The following METTL16 variants were observed in gnomAD, a reference collection of about 807,000 sequenced individuals.
The protein encoded by METTL16 is RNA N(6)-adenosine-methyltransferase METTL16.
Under a neutral mutation model 57.9 loss-of-function variants are expected in METTL16, and 19 were observed. That is an observed-to-expected ratio of 0.33 (90% CI 0.23 to 0.48). The LOEUF (loss-of-function observed/expected upper bound fraction) is 0.48. Among genes scored for constraint, METTL16 ranks in the 20% least tolerant of loss-of-function variants. METTL16 has a pLI of 0.99. For synonymous variants in METTL16, 246 were observed against 255.6 expected (o/e 0.96, Z 0.36); for missense variants, 434 against 691.5 (o/e 0.63, Z 4.18).
intron 2 of METTL16, among the ~76,000 whole-genome samples, chr17:2,492,193 A>G (rs1213491837): frequency 6.6e-6 from 1 of 152,218 alleles, no homozygotes; most frequent in Non-Finnish European, 1.5e-5. Context: ...CCTGGGCGAC[A>G]GAGCAAGACT....
intron 6 of METTL16, among the ~76,000 whole-genome samples, chr17:2,442,922 G>A (rs1271117325): frequency 6.6e-6 from 1 of 151,988 alleles, no homozygotes; most frequent in Non-Finnish European, 1.5e-5. Flanking sequence ...CCGCCTTCCG[G>A]GTTGAGGTAA....
At chr17:2,455,087 CTTT>C (rs954892604) in intron 6 of METTL16, 195 of 111,918 alleles carry the variant, frequency 1.7e-3, no homozygotes, top group South Asian at 4.8e-3. Flanking sequence ...TGCCCAGGTA[CTTT>C]TTTTTTTTTT....
intron 6 of METTL16, chr17:2,459,748 T>A (rs1191205805): frequency 6.6e-6 from 1 of 152,176 alleles, no homozygotes; most frequent in Non-Finnish European, 1.5e-5. Flanking sequence ...ATGCCTTTCA[T>A]CCCAGCACTT....
chr17:2,480,564 T>C (rs934017011), intron 2 of METTL16, among the ~76,000 whole-genome samples: 1 of 151,976 alleles, frequency 6.6e-6, no homozygotes, highest in South Asian at 2.1e-4. Context: ...GGAATCGGAG[T>C]TCCTTGGATA....
At chr17:2,434,267 C>T (rs2066894670) in intron 8 of METTL16, among the ~76,000 whole-genome samples, 1 of 152,138 alleles carries the variant, frequency 6.6e-6, no homozygotes, top group Admixed American at 6.6e-5. Flanking sequence ...GGCGTGACCT[C>T]GGCTCACTGT....
At chr17:2,488,599 G>A (rs2151573938) in intron 2 of METTL16, among the ~76,000 whole-genome samples, 1 of 152,132 alleles carries the variant, frequency 6.6e-6, no homozygotes, top group South Asian at 2.1e-4. Context: ...CAAAAAAAAG[G>A]AAATCCTGTC....
intron 7 of METTL16, among the ~76,000 whole-genome samples, chr17:2,440,394 G>A (rs752499727): frequency 4.6e-5 from 7 of 152,054 alleles, no homozygotes; most frequent in African/African-American, 7.2e-5. Flanking sequence ...GACTACAGGC[G>A]CGTGCCACCA....
At chr17:2,490,600 G>T (rs1253869545) in intron 2 of METTL16, among the ~76,000 whole-genome samples, 2 of 152,144 alleles carry the variant, frequency 1.3e-5, no homozygotes, top group African/African-American at 4.8e-5. Flanking sequence ...CCATTAAGGG[G>T]TCTATAATGT....
rs943422274 is a variant in METTL16 at position 2,449,570 on chromosome 17, A to G, written c.729-8011T>C. On this transcript the variant is annotated intron_variant, in intron 6 of 9. Coordinates refer to ENST00000263092, the MANE Select transcript of METTL16 (RefSeq NM_024086.4). ...ACAAAGATAGAGGATTTATACTGCC[A>G]GATTTCAAGACTTCTACAAAGCTAT... Among the ~76,000 whole-genome samples, 11 of 152,220 alleles carry G rather than the reference A, an allele frequency of 7.2e-5. No individual in the cohort carries two copies. In the East Asian group the frequency reaches 7.7e-4, roughly 11 times the overall value.
Position 2,477,734 on chromosome 17 carries a change from C to G in METTL16, c.280G>C (p.Gly94Arg), listed in dbSNP as rs760172867. Residue 94 changes from glycine to arginine, a missense_variant, in exon 3 of 10, where the codon GGT (glycine) becomes CGT (arginine). Transcript: ENST00000263092. Reference protein sequence around the residue: ...NYIHWVEDLIGHQDSDKSTLR... With the variant: ...NYIHWVEDLIRHQDSDKSTLR... ...GTACTTTTGTCAGAATCCTGGTGACCGATCAGATCTTCTACCCAGTGAATA... is the reference window on the plus strand; with the variant it reads ...GTACTTTTGTCAGAATCCTGGTGACGGATCAGATCTTCTACCCAGTGAATA... The G allele has an allele frequency of 1.9e-6, 3 of 1,613,886 alleles. No homozygotes were observed. The Admixed American group carries it at 5.0e-5, about 27-fold the overall frequency.
Position 2,438,142 on chromosome 17 carries a change from T to G in METTL16, c.855A>C (p.Leu285Phe). 6.2e-7 allele frequency: 1 copy of G among 1,613,896 alleles called. No homozygotes were observed. The highest frequency in any genetic ancestry group is 8.5e-7 in the Non-Finnish European group (1 of 1,179,814). ...TGACATCATCATAAAAACTCCAAGC[T>G]AAGGCCCATCTCATTGTCCGACCTT... is the stretch of plus-strand genomic sequence containing the variant. Reference protein sequence around the residue: ...FCQGRTMRWALAWSFYDDVTV... With the variant: ...FCQGRTMRWAFAWSFYDDVTV... The change falls in exon 8 of 10, where the codon TTA becomes TTC. Residue 285 changes from leucine (L) to phenylalanine (F), a missense_variant. Physicochemically the swap from Leu to Phe is conservative, Grantham distance 22 (BLOSUM62 0). Transcript: ENST00000263092.
chr17:2,423,615 T>C (rs977119409), intron 8 of METTL16, among the ~76,000 whole-genome samples: 1 of 152,056 alleles, frequency 6.6e-6, no homozygotes, highest in South Asian at 2.1e-4. Flanking sequence ...GCCATGACCA[T>C]GGAGAGCTCA....
In METTL16 at chr17:2,420,129, C is replaced by T; in HGVS notation, c.1530G>A (p.Val510=). ...VAERGKRLPG[V]AGQYLFKCLI... ...AACACTTAAACAGGTACTGTCCGGC[C>T]ACTCCTGGGAGACGTTTCCCCCTTT... is the stretch of plus-strand genomic sequence containing the variant. The change falls in exon 10 of 10, where the codon GTG becomes GTA. Residue 510 remains valine (V), a synonymous_variant. Coordinates refer to ENST00000263092, the MANE Select transcript of METTL16 (RefSeq NM_024086.4). The surrounding 1 kb of genome is among the most constrained non-coding windows in gnomAD (Gnocchi z 5.4). 2.5e-6 allele frequency: 4 copies of T among 1,614,260 alleles called. No homozygotes were observed. The highest frequency in any genetic ancestry group is 3.4e-6 in the Non-Finnish European group (4 of 1,180,044).
At chr17:2,473,200 G>A (rs2067246014) in intron 4 of METTL16, among the ~76,000 whole-genome samples, 1 of 151,994 alleles carries the variant, frequency 6.6e-6, no homozygotes, top group South Asian at 2.1e-4. Context: ...CCCACTTAAA[G>A]TCTCTGGAAA....
At chr17:2,508,194 T>G (rs2067562121) in intron 1 of METTL16, among the ~76,000 whole-genome samples, 1 of 152,216 alleles carries the variant, frequency 6.6e-6, no homozygotes, top group South Asian at 2.1e-4. Context: ...TTTGCAATCT[T>G]TGTTAGAGAC....
At chr17:2,438,406 A>C (rs1176964463) in intron 7 of METTL16, among the ~76,000 whole-genome samples, 2 of 152,220 alleles carry the variant, frequency 1.3e-5, no homozygotes, top group African/African-American at 4.8e-5. Flanking sequence ...ATAAAACATA[A>C]GAGAATTTAC....
chr17:2,469,266 A>G (rs2067221813), intron 4 of METTL16, among the ~76,000 whole-genome samples: 1 of 152,022 alleles, frequency 6.6e-6, no homozygotes, highest in Non-Finnish European at 1.5e-5. Context: ...ATAAATAAAT[A>G]AATAGGCTCC....
chr17:2,497,570 G>C (rs2067455796), intron 2 of METTL16, among the ~76,000 whole-genome samples: 1 of 151,440 alleles, frequency 6.6e-6, no homozygotes, highest in Non-Finnish European at 1.5e-5. Context: ...GCCTCTCAAA[G>C]TGCTGGGAAT....
intron 6 of METTL16, among the ~76,000 whole-genome samples, chr17:2,463,159 G>A (rs1206408070): frequency 6.6e-6 from 1 of 152,150 alleles, no homozygotes; most frequent in Admixed American, 6.6e-5. Context: ...CCTCACATCT[G>A]TCACTGGGAG....
Sources: gnomAD v4.1 joint callset for allele counts (sites outside exome capture counted in the v4.1 genomes callset) on GRCh38, gnomAD v4.1.1 for gene constraint, Gnocchi (gnomAD v3.1) non-coding constraint, MANE v1.5 for transcripts, NCBI Gene and HGNC (gene_info 2026-07-23, HGNC 2026-07-21) for gene names.